Variants in TASOR observed in about 807,000 individuals in gnomAD.
TASOR encodes the protein protein TASOR.
In TASOR, 53 loss-of-function variants were observed where a neutral mutation model predicts 178.6. That is an observed-to-expected ratio of 0.30 (90% CI 0.24 to 0.37). TASOR has a LOEUF of 0.37. Ranked by LOEUF, TASOR falls within the 10% of genes least tolerant of loss-of-function variation. The pLI, the probability that TASOR is intolerant of heterozygous loss-of-function variation, is 1.00. For synonymous variants in TASOR, 713 were observed against 696.2 expected (o/e 1.02, Z -0.38); for missense variants, 1,815 against 1,971.4 (o/e 0.92, Z 1.50).
At chr3:56,669,985 A>G (rs1462796673) in intron 4 of TASOR, 88 bp downstream of exon 4, 8 of 967,290 alleles carry the variant, frequency 8.3e-6, no homozygotes, top group Admixed American at 2.8e-5. Flanking sequence ...CATGAATTTA[A>G]TAACAACTGC....
At chr3:56,636,473 C>CG (rs78371158) in intron 17 of TASOR, among the ~76,000 whole-genome samples, 16,521 of 150,284 alleles carry the variant, frequency 0.11, 1,238 homozygotes, top group South Asian at 0.35. Context: ...GGTGAGATCT[C>CG]GGCTCACTGC....
chr3:56,641,105 G>T (rs2077114096), intron 15 of TASOR, among the ~76,000 whole-genome samples: 1 of 88,896 alleles, frequency 1.1e-5, no homozygotes, highest in Non-Finnish European at 1.9e-5. Flanking sequence ...TTCCGCCTAA[G>T]CTTTATCACA....
chr3:56,681,341 C>T (rs528300328), intron 1 of TASOR, among the ~76,000 whole-genome samples: 2 of 152,244 alleles, frequency 1.3e-5, no homozygotes, highest in South Asian at 4.1e-4. Context: ...GAGTTTTGAC[C>T]TTTAAAAGTA....
chr3:56,623,233 TGG>T lies in TASOR; in HGVS notation c.4815_4816del (p.His1606SerfsTer3). The T allele has an allele frequency of 1.2e-6, 2 of 1,613,430 alleles. No homozygotes were observed. The highest frequency in any genetic ancestry group is 1.7e-6 in the Non-Finnish European group (2 of 1,179,844). Reference sequence around the variant, plus strand: ...GAGAACATTAAAATGACTAAACTGATGGGACATATTTAATTGACTATGATAAA... The same window carrying T: ...GAGAACATTAAAATGACTAAACTGATGACATATTTAATTGACTATGATAAA... On this transcript the variant is annotated frameshift_variant, in exon 24 of 24. Coordinates refer to ENST00000683822, the MANE Select transcript of TASOR (RefSeq NM_001365635.2). LOFTEE classifies it high-confidence loss of function.
At position 56,623,366 on chromosome 3, in the gene TASOR, C is replaced by T. The variant is rs771969456; in HGVS notation, c.4684G>A (p.Asp1562Asn). The change falls in exon 24 of 24, where the codon GAT becomes AAT. Residue 1562 changes from aspartate (D) to asparagine (N), a missense_variant. This residue lies in a region of TASOR where 278 missense variants were observed against 257.1 expected (regional missense o/e 1.08). Coordinates refer to ENST00000683822, the MANE Select transcript of TASOR (RefSeq NM_001365635.2). The part of the protein sequence containing the change: ...SPDVQNSLLE[D>N]KTYLDSEERT... ...TCTTCAGAATCAAGGTAAGTCTTAT[C>T]TTCTAATAAACTGTTTTGCACATCA... 3 of 1,613,560 alleles carry T rather than the reference C, an allele frequency of 1.9e-6. No individual in the cohort carries two copies. The highest frequency in any genetic ancestry group is 1.1e-5 in the South Asian group (1 of 91,058).
intron 5 of TASOR, among the ~76,000 whole-genome samples, chr3:56,669,251 C>T (rs2030402041): frequency 6.6e-6 from 1 of 152,172 alleles, no homozygotes; most frequent in Non-Finnish European, 1.5e-5. Flanking sequence ...TGCCTGTAAT[C>T]CCAGCACTTT....
Position 56,633,531 on chromosome 3 carries a change from G to C in TASOR, c.3260C>G (p.Thr1087Ser). ...FVDGLHEKLN[T>S]IIIKASAKGG... ...CTTGGCTGATGCTTTAATAATAATA[G>C]TATTTAGCTTCTCATGCAAACCATC... is the stretch of plus-strand genomic sequence containing the variant. Residue 1087 changes from threonine to serine, a missense_variant, in exon 18 of 24, where the codon ACT (threonine) becomes AGT (serine). By Grantham distance (58) the Thr-to-Ser change is moderately conservative. Transcript: ENST00000683822. The C allele has an allele frequency of 6.2e-7, 1 of 1,614,106 alleles. No individual in the cohort carries two copies. Among genetic ancestry groups the C allele is most frequent in the Non-Finnish European group, 8.5e-7 (1 of 1,180,026 alleles).
intron 22 of TASOR, 35 bp from the exon 23 acceptor site, chr3:56,624,678 C>T: frequency 6.3e-7 from 1 of 1,584,230 alleles, no homozygotes; most frequent in Non-Finnish European, 8.6e-7. Flanking sequence ...GTATGAAACA[C>T]TTCAAAATAT....
intron 19 of TASOR, 134 bp from the exon 20 acceptor site, chr3:56,627,875 C>A: frequency 1.4e-6 from 1 of 715,894 alleles, no homozygotes. Flanking sequence ...CTCTGGAAAG[C>A]CACACAAATA....
At chr3:56,657,547 T>C (rs1326538754) in intron 11 of TASOR, among the ~76,000 whole-genome samples, 1 of 152,176 alleles carries the variant, frequency 6.6e-6, no homozygotes, top group Non-Finnish European at 1.5e-5. Context: ...TAGTCATTTA[T>C]CTAGTTAATT....
In TASOR at chr3:56,640,147, A is replaced by C. The variant is rs1470806507; in HGVS notation, c.2620-17T>G. 1 of 1,607,168 alleles carries C rather than the reference A, an allele frequency of 6.2e-7. No individual in the cohort carries two copies. Among genetic ancestry groups the C allele is most frequent in the East Asian group, 2.2e-5 (1 of 44,810 alleles). On this transcript the variant is annotated splice_polypyrimidine_tract_variant and intron_variant, in intron 15 of 23. Transcript: ENST00000683822. The stretch of plus-strand genomic sequence containing the variant: ...ATTTGGATCCTAAAAATCAAAGTAC[A>C]CACTGAATAGCTTTATTTCCAATTC...
Position 56,621,380 on chromosome 3 carries a change from G to A in TASOR, c.*1657C>T. ...TGATAGCTATATATCCAAATGAGGT[G>A]GTCTAGTACAAGCATTTCTGAAAAA... On this transcript the variant is annotated 3_prime_UTR_variant, in exon 24 of 24. Coordinates refer to ENST00000683822, the MANE Select transcript of TASOR (RefSeq NM_001365635.2). 2 of 487,548 alleles carry A rather than the reference G, an allele frequency of 4.1e-6. No individual in the cohort carries two copies. The highest frequency in any genetic ancestry group is 7.4e-6 in the Non-Finnish European group (2 of 271,768). 30.2% of individuals were successfully genotyped at this position (487,548 alleles called of 1,614,324 possible).
At chr3:56,652,599 T>G (rs75876262) in intron 11 of TASOR, among the ~76,000 whole-genome samples, 1 of 151,940 alleles carries the variant, frequency 6.6e-6, no homozygotes, top group Admixed American at 6.5e-5. Flanking sequence ...TTTTATGTTA[T>G]GTGAATTTTA....
In TASOR at chr3:56,682,947, G is replaced by A; in HGVS notation, c.60C>T (p.Gly20=). The change falls in exon 1 of 24, where the codon GGC becomes GGT. Residue 20 remains glycine (G), a synonymous_variant. Coordinates refer to ENST00000683822, the MANE Select transcript of TASOR (RefSeq NM_001365635.2). The stretch of plus-strand genomic sequence containing the variant: ...GCTTCATCTCGTCGTCTCCGCCGCC[G>A]CCACTTTCCCAACTCGCATCCGTCG... ...CQPTDASWES[G]GGGDDEMKQA... 6.5e-7 allele frequency: 1 copy of A among 1,549,868 alleles called. No individual in the cohort carries two copies. Among genetic ancestry groups the A allele is most frequent in the Non-Finnish European group, 8.7e-7 (1 of 1,146,610 alleles).
intron 1 of TASOR, among the ~76,000 whole-genome samples, chr3:56,676,117 C>T (rs1197751243): frequency 6.6e-6 from 1 of 151,696 alleles, no homozygotes; most frequent in African/African-American, 2.4e-5. Flanking sequence ...CGAATATGCT[C>T]GGTAACCTAT....
At chr3:56,678,449 G>A (rs954486547) in intron 1 of TASOR, among the ~76,000 whole-genome samples, 3 of 151,640 alleles carry the variant, frequency 2.0e-5, no homozygotes, top group African/African-American at 7.3e-5. Flanking sequence ...TCAAAGTGCT[G>A]GGATTACAGA....
intron 15 of TASOR, 66 bp from the exon 16 acceptor site, chr3:56,640,196 T>C (rs1162216214): frequency 3.5e-6 from 5 of 1,444,624 alleles, no homozygotes; most frequent in Admixed American, 2.0e-5. Context: ...GAATAAACTG[T>C]TTTTTCACTG....
chr3:56,646,950 GATTT>G lies in TASOR; in HGVS notation c.1783_1786del (p.Lys595ProfsTer24). Reference sequence around the variant, plus strand: ...GGCATGCAAACAAGTATCAATATGGGATTTATTTCTGGGAGCTGAGTATAAGAAT... The same window carrying G: ...GGCATGCAAACAAGTATCAATATGGGATTTCTGGGAGCTGAGTATAAGAAT... On this transcript the variant is annotated frameshift_variant, in exon 14 of 24. Transcript: ENST00000683822. LOFTEE classifies it high-confidence loss of function. 2 of 1,611,952 alleles carry G rather than the reference GATTT, an allele frequency of 1.2e-6. No individual in the cohort carries two copies. Among genetic ancestry groups the G allele is most frequent in the Non-Finnish European group, 1.7e-6 (2 of 1,179,566 alleles).
At position 56,674,574 on chromosome 3, in the gene TASOR, T is replaced by C. The variant is rs576526268; in HGVS notation, c.332-849A>G. ...TTCTTGTATAATCCACAAAAAGTAG[T>C]AGAACATTTATTATGACAACTTAGT... On this transcript the variant is annotated intron_variant, in intron 1 of 23. Coordinates refer to ENST00000683822, the MANE Select transcript of TASOR (RefSeq NM_001365635.2). Among the ~76,000 whole-genome samples, 3 of 152,220 alleles carry C rather than the reference T, an allele frequency of 2.0e-5. No homozygotes were observed. The East Asian group carries it at 5.8e-4, about 29-fold the overall frequency.
Sources: allele counts gnomAD v4.1 joint callset (sites outside exome capture counted in the v4.1 genomes callset), GRCh38; gene constraint gnomAD v4.1.1; regional missense constraint gnomAD v4.1.1; transcripts MANE v1.5; gene names NCBI Gene and HGNC (gene_info 2026-07-23, HGNC 2026-07-21).